The following SESTD1 variants were observed in gnomAD, a reference collection of about 807,000 sequenced individuals.
The protein encoded by SESTD1 is SEC14 and spectrin domain containing 1, also known as SEC14 domain and spectrin repeat-containing protein 1.
A neutral mutation model predicts 101.7 loss-of-function variants in SESTD1; 43 were observed. The observed-to-expected ratio is 0.42, with a 90% CI of 0.33 to 0.55. SESTD1 has a LOEUF of 0.55. Ranked by LOEUF, SESTD1 falls within the 20% of genes least tolerant of loss-of-function variation. SESTD1 has a pLI of 0.07. For missense variants in SESTD1, 647 were observed against 815.1 expected (o/e 0.79, Z 2.51); for synonymous variants, 283 against 286.8 (o/e 0.99, Z 0.13).
intron 1 of SESTD1, among the ~76,000 whole-genome samples, chr2:179,212,327 G>A (rs1337430598): frequency 1.5e-5 from 2 of 136,244 alleles, no homozygotes; most frequent in Admixed American, 1.4e-4. Flanking sequence ...CTTAGCAACT[G>A]GCAGACAAGG....
At chr2:179,155,283 A>G (rs2045607279) in intron 5 of SESTD1, among the ~76,000 whole-genome samples, 1 of 152,184 alleles carries the variant, frequency 6.6e-6, no homozygotes, top group Non-Finnish European at 1.5e-5. Flanking sequence ...ATCAGATCCC[A>G]GAAAAGAACT....
chr2:179,117,631 A>AAATTTAACTCATC lies in SESTD1; in HGVS notation c.1443-31_1443-19dup, dbSNP rs764821441. On this transcript the variant is annotated intron_variant, in intron 13 of 17. Coordinates refer to ENST00000428443, the MANE Select transcript of SESTD1 (RefSeq NM_178123.5). ...CTTCACATCTAATGAACCCAAACAT[A>AAATTTAACTCATC]AATTTAACTCATCATTTCTGTTTTA... 8 of 1,544,508 alleles carry AAATTTAACTCATC rather than the reference A, an allele frequency of 5.2e-6. No homozygotes were observed. The East Asian group carries it at 1.7e-4, about 33-fold the overall frequency.
intron 1 of SESTD1, among the ~76,000 whole-genome samples, chr2:179,221,476 G>A (rs1260338394): frequency 2.6e-5 from 4 of 152,114 alleles, no homozygotes; most frequent in African/African-American, 9.7e-5. Flanking sequence ...AGCCAGGCGT[G>A]GAGGTGCATG....
At chr2:179,164,003 TTTA>T (rs779819353) in intron 5 of SESTD1, among the ~76,000 whole-genome samples, 2 of 152,088 alleles carry the variant, frequency 1.3e-5, no homozygotes, top group Non-Finnish European at 2.9e-5. Context: ...ACTGAGATGG[TTTA>T]TTATTATTTC....
chr2:179,216,825 A>C (rs1445794470), intron 1 of SESTD1, among the ~76,000 whole-genome samples: 1 of 127,794 alleles, frequency 7.8e-6, no homozygotes, highest in Non-Finnish European at 1.7e-5. Context: ...CAGAAATAAC[A>C]CCACACATCT....
intron 2 of SESTD1, among the ~76,000 whole-genome samples, chr2:179,191,561 T>C (rs985547496): frequency 1.1e-4 from 17 of 152,120 alleles, no homozygotes; most frequent in Non-Finnish European, 2.1e-4. Flanking sequence ...GACAGGCACA[T>C]GTACCCCCTG....
chr2:179,242,082 A>C (rs1351619064), intron 1 of SESTD1, among the ~76,000 whole-genome samples: 2 of 152,210 alleles, frequency 1.3e-5, no homozygotes, highest in East Asian at 3.8e-4. Context: ...AGCCTTCATC[A>C]AAAGGCTCCT....
intron 3 of SESTD1, among the ~76,000 whole-genome samples, chr2:179,182,530 A>AT (rs199564785): frequency 1.9e-4 from 28 of 150,984 alleles, no homozygotes; most frequent in Admixed American, 7.3e-4. Context: ...AGGAAGCTTT[A>AT]TTTTTTTTTG....
At chr2:179,247,517 T>C (rs1197559474) in intron 1 of SESTD1, among the ~76,000 whole-genome samples, 1 of 152,182 alleles carries the variant, frequency 6.6e-6, no homozygotes, top group Non-Finnish European at 1.5e-5. Flanking sequence ...CTAGAACTCT[T>C]TGTCTCACAC....
intron 1 of SESTD1, among the ~76,000 whole-genome samples, chr2:179,247,959 T>C (rs564703092): frequency 6.6e-6 from 1 of 152,098 alleles, no homozygotes; most frequent in South Asian, 2.1e-4. Flanking sequence ...GGGAAATTTA[T>C]AGCACTAAAT....
chr2:179,131,565 T>G (rs1411687324), intron 10 of SESTD1, among the ~76,000 whole-genome samples: 1 of 152,170 alleles, frequency 6.6e-6, no homozygotes, highest in African/African-American at 2.4e-5. Flanking sequence ...TAATCTATTT[T>G]AAATTACCAA....
intron 2 of SESTD1, among the ~76,000 whole-genome samples, chr2:179,184,559 CAA>C (rs397960616): frequency 2.1e-5 from 3 of 140,882 alleles, no homozygotes; most frequent in African/African-American, 5.2e-5. Context: ...TGTCATTTCT[CAA>C]AAAAAAAAAA....
chr2:179,253,773 G>T (rs2047352945), intron 1 of SESTD1, among the ~76,000 whole-genome samples: 1 of 152,130 alleles, frequency 6.6e-6, no homozygotes, highest in Admixed American at 6.6e-5. Flanking sequence ...AGGAATGAAA[G>T]GAAGAATTTG....
intron 2 of SESTD1, among the ~76,000 whole-genome samples, chr2:179,188,987 A>G (rs140998851): frequency 4.3e-4 from 65 of 152,292 alleles, no homozygotes; most frequent in African/African-American, 1.5e-3. Context: ...TCACAGCCAA[A>G]TTCTACCAGA....
At chr2:179,258,028 C>A (rs1219317435) in intron 1 of SESTD1, among the ~76,000 whole-genome samples, 2 of 152,180 alleles carry the variant, frequency 1.3e-5, no homozygotes, top group Non-Finnish European at 2.9e-5. Context: ...AAAGACAAGA[C>A]ACAAGCTTTA....
At position 179,132,304 on chromosome 2, in the gene SESTD1, A is replaced by T. The variant is rs1290727435; in HGVS notation, c.972T>A (p.Ser324Arg). Residue 324 changes from serine to arginine, a missense_variant and splice_region_variant, in exon 10 of 18, where the codon AGT (serine) becomes AGA (arginine). This residue lies in a region of SESTD1 where 476 missense variants were observed against 562.6 expected (regional missense o/e 0.85). Coordinates refer to ENST00000428443, the MANE Select transcript of SESTD1 (RefSeq NM_178123.5). ...ACTTGCAGAGGAAAAAGCCTCTCAC[A>T]CTGTGCTGGCTCTCAATCTCTTCGT... Reference protein sequence around the residue: ...QKHEEIESQHSEWFAVYVELN... With the variant: ...QKHEEIESQHREWFAVYVELN... The T allele has an allele frequency of 6.5e-7, 1 of 1,541,566 alleles. No individual in the cohort carries two copies. The highest frequency in any genetic ancestry group is 8.6e-7 in the Non-Finnish European group (1 of 1,156,800).
At chr2:179,129,826 A>G (rs551275389) in intron 10 of SESTD1, among the ~76,000 whole-genome samples, 1 of 152,206 alleles carries the variant, frequency 6.6e-6, no homozygotes, top group Non-Finnish European at 1.5e-5. Context: ...CAGGGTGACA[A>G]TGCAGTGCCA....
chr2:179,121,109 T>C (rs745641914), intron 13 of SESTD1, among the ~76,000 whole-genome samples: 6 of 152,226 alleles, frequency 3.9e-5, no homozygotes, highest in Non-Finnish European at 5.9e-5. Flanking sequence ...ATGACTGTTT[T>C]CTCTGTGATG....
At chr2:179,214,910 G>A (rs2046700197) in intron 1 of SESTD1, among the ~76,000 whole-genome samples, 1 of 134,884 alleles carries the variant, frequency 7.4e-6, no homozygotes, top group Non-Finnish European at 1.6e-5. Flanking sequence ...AGGAAATGAA[G>A]GCAGAAATAA....
Sources: gnomAD v4.1 joint callset for allele counts (sites outside exome capture counted in the v4.1 genomes callset) on GRCh38, gnomAD v4.1.1 for gene constraint, gnomAD v4.1.1 regional missense constraint, MANE v1.5 for transcripts, NCBI Gene and HGNC (gene_info 2026-07-23, HGNC 2026-07-21) for gene names.